CCDC3: variants seen among roughly 807,000 people sequenced by gnomAD.
The protein encoded by CCDC3 is coiled-coil domain containing 3.
Under a neutral mutation model 21.4 loss-of-function variants are expected in CCDC3, and 24 were observed. The ratio of observed to expected loss-of-function variants is 1.12; its 90% confidence interval spans 0.81 to 1.58. CCDC3 has a LOEUF of 1.58. CCDC3 is among the 40% of genes most tolerant of loss of function. CCDC3 has a pLI of 0.00. For missense variants in CCDC3, 425 were observed against 360.9 expected, an observed-to-expected ratio of 1.18 and a Z score of -1.44; for synonymous variants, 186 against 166.0, an observed-to-expected ratio of 1.12 and a Z score of -0.93.
intron 2 of CCDC3, among the ~76,000 whole-genome samples, chr10:12,957,417 G>C (rs1835106305): frequency 6.6e-6 from 1 of 152,206 alleles, no homozygotes; most frequent in African/African-American, 2.4e-5. Context: ...AAACATAAAA[G>C]TCTGCTAAAG....
At chr10:13,073,420 C>G (rs1836910839) in intron 4 of CCDC3, among the ~76,000 whole-genome samples, 1 of 152,170 alleles carries the variant, frequency 6.6e-6, no homozygotes, top group South Asian at 2.1e-4. Flanking sequence ...CATTACTGCT[C>G]TGAAAGCAGC....
intron 5 of CCDC3, among the ~76,000 whole-genome samples, chr10:13,008,187 G>A (rs1835946853): frequency 6.6e-6 from 1 of 151,856 alleles, no homozygotes; most frequent in African/African-American, 2.4e-5. Flanking sequence ...GGCCTCCTAG[G>A]CATGCAGCCC....
intron 2 of CCDC3, among the ~76,000 whole-genome samples, chr10:12,976,225 C>G (rs1292442996): frequency 2.6e-5 from 4 of 152,204 alleles, no homozygotes; most frequent in Non-Finnish European, 5.9e-5. Context: ...GGGCAACCTG[C>G]AGTCAGGAAA....
intron 5 of CCDC3, among the ~76,000 whole-genome samples, chr10:13,007,081 A>G (rs495700): frequency 0.8 from 122,164 of 152,068 alleles, 50,058 homozygotes; most frequent in Non-Finnish European, 0.88. Context: ...CGATGGCATC[A>G]TCCTGTACTA....
At chr10:13,016,478 C>A (rs1199824183) in intron 5 of CCDC3, among the ~76,000 whole-genome samples, 1 of 151,954 alleles carries the variant, frequency 6.6e-6, no homozygotes, top group African/African-American at 2.4e-5. Context: ...TTGTTCAGGG[C>A]CTTCCTTGGA....
chr10:12,986,713 C>T (rs1010965970), intron 2 of CCDC3, among the ~76,000 whole-genome samples: 1 of 150,472 alleles, frequency 6.6e-6, no homozygotes, highest in East Asian at 2.0e-4. Flanking sequence ...GCGGAGCTTG[C>T]AGTGAGCCGA....
intron 5 of CCDC3, among the ~76,000 whole-genome samples, chr10:13,030,377 C>T (rs1266596633): frequency 1.3e-5 from 2 of 152,210 alleles, no homozygotes; most frequent in African/African-American, 4.8e-5. Flanking sequence ...GTACCACCCA[C>T]TGCAAAAACA....
At chr10:13,026,748 T>C (rs73589931) in intron 5 of CCDC3, among the ~76,000 whole-genome samples, 1 of 152,332 alleles carries the variant, frequency 6.6e-6, no homozygotes, top group African/African-American at 2.4e-5. Context: ...TCCCTAGAGA[T>C]TCTCAGTTTA....
rs1438815028 is a variant in CCDC3 at position 12,896,954 on chromosome 10, C to T, written c.*1462G>A. 6.6e-6 allele frequency: 1 copy of T among 152,350 alleles called. No homozygotes were observed. Among genetic ancestry groups the T allele is most frequent in the Non-Finnish European group, 1.5e-5 (1 of 68,160 alleles). The allele number at this position is 152,350 out of a possible 1,614,324, so 9.4% of individuals were successfully genotyped here. ...TGGACAGCAGCCTGCCACCAAGACT[C>T]AAGCAACGTAAGAGTCATCTCCCCA... is the stretch of plus-strand genomic sequence containing the variant. On this transcript the variant is annotated 3_prime_UTR_variant, in exon 3 of 3. Transcript: ENST00000378825.
rs1006533063 is a variant in CCDC3, at chr10:12,983,227, T to C, written c.549+15111A>G. Among the ~76,000 whole-genome samples, 11 of 148,602 alleles carry C rather than the reference T, an allele frequency of 7.4e-5. 1 individual carries two copies. The highest frequency in any genetic ancestry group is 2.7e-4 in the African/African-American group (11 of 40,536). On this transcript the variant is annotated intron_variant, in intron 2 of 2. Transcript: ENST00000378825. ...TAGAATTAAAAAGAATCTATAGCTA[T>C]GAGTAGCTTAACAGTTGTGTCTCTA... is the stretch of plus-strand genomic sequence containing the variant.
At chr10:13,082,090 T>C (rs1181096660) in intron 3 of CCDC3, among the ~76,000 whole-genome samples, 3 of 152,030 alleles carry the variant, frequency 2.0e-5, no homozygotes, top group Admixed American at 6.5e-5. Flanking sequence ...CAAGAGATCA[T>C]AGAAATAAAG....
chr10:13,061,727 G>A (rs1836760159), intron 4 of CCDC3, among the ~76,000 whole-genome samples: 1 of 152,208 alleles, frequency 6.6e-6, no homozygotes, highest in Non-Finnish European at 1.5e-5. Flanking sequence ...AATTGGTTGA[G>A]TTTGTCTAAA....
intron 5 of CCDC3, among the ~76,000 whole-genome samples, chr10:13,020,388 A>G (rs978678103): frequency 3.9e-5 from 6 of 152,244 alleles, no homozygotes; most frequent in Admixed American, 1.3e-4. Context: ...GAGATAAATC[A>G]TCTTCACACA....
rs763414580 is a variant in CCDC3 at position 12,898,433 on chromosome 10, G to T, written c.796C>A (p.Pro266Thr). The change falls in exon 3 of 3, where the codon CCC becomes ACC. Residue 266 changes from proline to threonine, a missense_variant. Transcript: ENST00000378825. ...CAGGCCCGTTACCCCCGCAGGTAGG[G>T]GGGGCGCACGGGCCCCCGGGCATTG... ...HINARGPVRPPYLRG is the reference protein window; with the variant it reads ...HINARGPVRPTYLRG 1.5e-5 allele frequency: 24 copies of T among 1,604,018 alleles called. No homozygotes were observed. The highest frequency in any genetic ancestry group is 1.9e-4 in the Middle Eastern group (1 of 5,308).
chr10:13,042,944 C>G (rs1836481419), intron 5 of CCDC3, among the ~76,000 whole-genome samples: 1 of 149,196 alleles, frequency 6.7e-6, no homozygotes, highest in Non-Finnish European at 1.5e-5. Flanking sequence ...AAAAAGAAAA[C>G]TCCATGGCTT....
chr10:13,022,059 C>T (rs1231383733), intron 5 of CCDC3, among the ~76,000 whole-genome samples: 1 of 152,132 alleles, frequency 6.6e-6, no homozygotes, highest in Non-Finnish European at 1.5e-5. Context: ...CACGCCCAGC[C>T]TTACTCCTCT....
At chr10:12,997,321 A>T (rs1835776870) in intron 2 of CCDC3, among the ~76,000 whole-genome samples, 1 of 152,080 alleles carries the variant, frequency 6.6e-6, no homozygotes, top group Non-Finnish European at 1.5e-5. Flanking sequence ...CATTGCCCTA[A>T]AAATGTCTTC....
intron 5 of CCDC3, among the ~76,000 whole-genome samples, chr10:13,027,442 T>A (rs1256793845): frequency 2.0e-5 from 3 of 152,182 alleles, no homozygotes; most frequent in African/African-American, 7.2e-5. Flanking sequence ...TCTTCCCCTG[T>A]CTCTTTCTCT....
chr10:12,932,267 G>A (rs1050965135), intron 2 of CCDC3, among the ~76,000 whole-genome samples: 15 of 152,234 alleles, frequency 9.9e-5, no homozygotes, highest in African/African-American at 2.6e-4. Flanking sequence ...TTATCAGGAC[G>A]TAAGTAAAAA....
Sources: gnomAD v4.1 joint callset for allele counts (sites outside exome capture counted in the v4.1 genomes callset) on GRCh38, gnomAD v4.1.1 for gene constraint, MANE v1.5 for transcripts, NCBI Gene and HGNC (gene_info 2026-07-23, HGNC 2026-07-21) for gene names.